TNNT3: variants seen among roughly 807,000 people sequenced by gnomAD.
The protein encoded by TNNT3 is troponin T, fast skeletal muscle.
Under a neutral mutation model 54.2 loss-of-function variants are expected in TNNT3, and 36 were observed. The observed-to-expected ratio is 0.66, with a 90% CI of 0.51 to 0.88. TNNT3 has a LOEUF of 0.88. Among genes scored for constraint, TNNT3 ranks in the 40% least tolerant of loss-of-function variants. TNNT3 has a pLI of 0.00. For synonymous variants in TNNT3, 120 were observed against 109.7 expected (o/e 1.09, Z -0.59); for missense variants, 291 against 331.6 (o/e 0.88, Z 0.95).
chr11:1,922,941 C>G (rs756421062), intron 2 of TNNT3, 50 bp downstream of exon 2: 1 of 1,613,728 alleles, frequency 6.2e-7, no homozygotes, highest in South Asian at 1.1e-5. Context: ...GACCCTGGCC[C>G]CTTGGCTTCT....
At chr11:1,923,179 C>T (rs941929975) in intron 3 of TNNT3, 118 bp downstream of exon 3, 1 of 1,426,852 alleles carries the variant, frequency 7.0e-7, no homozygotes, top group Admixed American at 1.7e-5. Context: ...TCAGCTGCAT[C>T]CCATGGGTGG....
At chr11:1,936,107 C>T (rs1854937799) in intron 14 of TNNT3, 1 of 1,320,726 alleles carries the variant, frequency 7.6e-7, no homozygotes, top group African/African-American at 1.5e-5. Context: ...AGCGGGCCCC[C>T]AGGGGCTCCA....
intron 5 of TNNT3, among the ~76,000 whole-genome samples, chr11:1,926,062 C>T (rs1041207075): frequency 6.6e-6 from 1 of 152,130 alleles, no homozygotes; most frequent in Admixed American, 6.5e-5. Context: ...TGGTGCCACC[C>T]GGCCAGGCTA....
At chr11:1,934,274 C>A (rs572884921) in intron 11 of TNNT3, 58 bp from the exon 12 acceptor site, 3 of 1,523,844 alleles carry the variant, frequency 2.0e-6, no homozygotes, top group South Asian at 1.1e-5. Context: ...CTAAAGCCTG[C>A]CCAGAAAGCA....
chr11:1,920,765 G>A (rs1743779306), intron 1 of TNNT3, among the ~76,000 whole-genome samples: 1 of 152,152 alleles, frequency 6.6e-6, no homozygotes, highest in Non-Finnish European at 1.5e-5. Flanking sequence ...GGCACTAACT[G>A]GACACCTGCT....
rs1310149085 is a variant in TNNT3, at chr11:1,926,722, T to A, written c.82+13T>A. On this transcript the variant is annotated intron_variant, in intron 6 of 15. Transcript: ENST00000278317. ...GAAGTTCAAGAAGGTACGCCGGCGC[T>A]CCCCCGCCTCCAGGCCAGAGTCTCC... 1 of 1,612,672 alleles carries A rather than the reference T, an allele frequency of 6.2e-7. No individual in the cohort carries two copies. The highest frequency in any genetic ancestry group is 8.5e-7 in the Non-Finnish European group (1 of 1,179,998).
intron 4 of TNNT3, among the ~76,000 whole-genome samples, chr11:1,924,695 A>G (rs1388160937): frequency 6.6e-6 from 1 of 152,110 alleles, no homozygotes; most frequent in African/African-American, 2.4e-5. Context: ...TTCCGGGTGC[A>G]CTCAGAGCCG....
chr11:1,937,087 G>T (rs1029028957), intron 15 of TNNT3, 84 bp downstream of exon 15: 3 of 1,420,308 alleles, frequency 2.1e-6, no homozygotes, highest in South Asian at 1.2e-5. Flanking sequence ...AACAAGGGCC[G>T]GTGGTGGCTG....
chr11:1,922,669 G>A, intron 1 of TNNT3, 188 bp from the exon 2 acceptor site: 1 of 641,874 alleles, frequency 1.6e-6, no homozygotes, highest in Non-Finnish European at 2.8e-6. Context: ...GCTGGGAGGG[G>A]CCAGGAGCCC....
rs934820378 is a variant in TNNT3 at position 1,929,860 on chromosome 11, G to A, written c.125+32G>A. Reference sequence around the variant, plus strand: ...GTGGGGTCCTGGCAGGCCCGCTGCTGAGTGTGTTCTGGGGTGGGGGTGGTC... The same window carrying A: ...GTGGGGTCCTGGCAGGCCCGCTGCTAAGTGTGTTCTGGGGTGGGGGTGGTC... On this transcript the variant is annotated intron_variant, in intron 8 of 15. Transcript: ENST00000278317. The A allele has an allele frequency of 5.3e-6, 8 of 1,508,392 alleles. No homozygotes were observed. In the Admixed American group the frequency reaches 1.0e-4, roughly 19 times the overall value. 93.4% of individuals were successfully genotyped at this position (1,508,392 alleles called of 1,614,324 possible).
At chr11:1,935,053 CT>C in intron 14 of TNNT3, 134 bp downstream of exon 14, 1 of 844,710 alleles carries the variant, frequency 1.2e-6, no homozygotes, top group Non-Finnish European at 2.0e-6. Context: ...CCCAAACAGG[CT>C]GTTGCCACGG....
intron 14 of TNNT3, among the ~76,000 whole-genome samples, chr11:1,936,523 G>A (rs1047115406): frequency 1.3e-5 from 2 of 152,172 alleles, no homozygotes; most frequent in African/African-American, 2.4e-5. Flanking sequence ...GCACAGGCAC[G>A]AGGGCGGGAG....
chr11:1,925,780 C>T lies in TNNT3; in HGVS notation c.67+664C>T, dbSNP rs1851414715. On this transcript the variant is annotated intron_variant, in intron 5 of 15. Coordinates refer to ENST00000278317, the MANE Select transcript of TNNT3 (RefSeq NM_006757.4). ...GCATGCCCTCGTCAGCCCCCCAGGC[C>T]CCCTCACAGCCTTCTGCTATGAGAC... 3.9e-5 allele frequency among the ~76,000 whole-genome samples: 6 copies of T among 152,170 alleles called. No homozygotes were observed. The South Asian group carries it at 1.2e-3, about 31-fold the overall frequency.
intron 8 of TNNT3, among the ~76,000 whole-genome samples, chr11:1,931,241 G>T (rs891717397): frequency 1.3e-5 from 2 of 152,078 alleles, no homozygotes; most frequent in South Asian, 2.1e-4. Context: ...CATAAATAAC[G>T]CTGGTTGGAA....
chr11:1,923,014 T>C (rs1255040757), intron 2 of TNNT3, 34 bp from the exon 3 acceptor site: 1 of 1,613,716 alleles, frequency 6.2e-7, no homozygotes, highest in Non-Finnish European at 8.5e-7. Context: ...ACTACCTCTC[T>C]CTCTTTCTTT....
At chr11:1,929,969 C>A in intron 8 of TNNT3, 141 bp downstream of exon 8, 2 of 1,183,532 alleles carry the variant, frequency 1.7e-6, no homozygotes, top group Non-Finnish European at 1.2e-6. Context: ...TCCTGGCAGG[C>A]CCAGCGCCTC....
intron 5 of TNNT3, chr11:1,925,338 G>A (rs776622850): frequency 2.0e-6 from 3 of 1,536,618 alleles, no homozygotes; most frequent in East Asian, 2.4e-5. Context: ...GAGCCCATGT[G>A]GGGGTGGGGG....
chr11:1,928,929 C>T, intron 6 of TNNT3, 191 bp from the exon 7 acceptor site: 1 of 703,306 alleles, frequency 1.4e-6, no homozygotes. Flanking sequence ...CTTCCACCCC[C>T]TCCCCAGGCA....
chr11:1,934,049 G>A (rs746372328), intron 11 of TNNT3, 41 bp downstream of exon 11: 14 of 1,588,772 alleles, frequency 8.8e-6, no homozygotes, highest in Non-Finnish European at 1.2e-5. Flanking sequence ...CAGAGAATGA[G>A]CCCCAGGCCC....
Sources: gnomAD v4.1 joint callset for allele counts (sites outside exome capture counted in the v4.1 genomes callset) on GRCh38, gnomAD v4.1.1 for gene constraint, MANE v1.5 for transcripts, NCBI Gene and HGNC (gene_info 2026-07-23, HGNC 2026-07-21) for gene names.